RNF180: variants seen among roughly 807,000 people sequenced by gnomAD.
The protein encoded by RNF180 is E3 ubiquitin-protein ligase RNF180.
In RNF180, 38 loss-of-function variants were observed where a neutral mutation model predicts 59.2. That is an observed-to-expected ratio of 0.64 (90% CI 0.50 to 0.84). The LOEUF is 0.84. Among genes scored for constraint, RNF180 ranks in the 40% least tolerant of loss-of-function variants. RNF180 has a pLI of 0.00. For missense variants in RNF180, 705 were observed against 700.9 expected (o/e 1.01, Z -0.07); for synonymous variants, 262 against 240.3 (o/e 1.09, Z -0.84).
At position 64,330,336 on chromosome 5, in the gene RNF180, A is replaced by G; in HGVS notation, c.1509A>G (p.Gln503=). Residue 503 remains glutamine (Q), a synonymous_variant, in exon 7 of 8, where the codon CAA becomes CAG. Transcript: ENST00000389100. The part of the protein sequence containing the change: ...FFTKEYLKIK[Q]SFQKSNSAKW... ...CTAAAGAATATTTGAAAATAAAACAAAGCTTTCAGAAATCCAACTCTGCAA... is the reference window on the plus strand; with the variant it reads ...CTAAAGAATATTTGAAAATAAAACAGAGCTTTCAGAAATCCAACTCTGCAA... 6.5e-7 allele frequency: 1 copy of G among 1,540,390 alleles called. No individual in the cohort carries two copies. Among genetic ancestry groups the G allele is most frequent in the Non-Finnish European group, 8.8e-7 (1 of 1,139,706 alleles).
At chr5:64,338,076 G>A (rs748919875) in intron 7 of RNF180, among the ~76,000 whole-genome samples, 8 of 152,076 alleles carry the variant, frequency 5.3e-5, no homozygotes, top group Non-Finnish European at 7.4e-5. Flanking sequence ...CTGAGGAATC[G>A]CCACACTGAC....
rs1446673944 is a variant in RNF180, at chr5:64,369,625, A to G, written c.1590A>G (p.Arg530=). ...KAFHLFGGFR[R]HAAPVTRRQF... is the part of the protein sequence containing the mutation. ...TCATACATCTTCTAGGTTTCCGCAG[A>G]CATGCAGCTCCAGTTACAAGAAGGC... is the stretch of plus-strand genomic sequence containing the variant. The change falls in exon 8 of 8, where the codon AGA becomes AGG. Residue 530 remains arginine, a synonymous_variant. Coordinates refer to ENST00000389100, the MANE Select transcript of RNF180 (RefSeq NM_001113561.2). The G allele has an allele frequency of 6.6e-7, 1 of 1,516,226 alleles. No individual in the cohort carries two copies. The highest frequency in any genetic ancestry group is 1.4e-5 in the African/African-American group (1 of 71,082). The allele number at this position is 1,516,226 out of a possible 1,614,324, so 93.9% of individuals were successfully genotyped here. A position where few individuals can be genotyped will look rare whatever the true frequency, so the allele number is the denominator to read the frequency against.
rs1746638871 is a variant in RNF180 at position 64,370,910 on chromosome 5, T to C, written c.*1096T>C. 2 of 151,758 alleles carry C rather than the reference T, an allele frequency of 1.3e-5. No homozygotes were observed. Among genetic ancestry groups the C allele is most frequent in the South Asian group, 4.1e-4 (2 of 4,822 alleles). 9.4% of individuals were successfully genotyped at this position (151,758 alleles called of 1,614,324 possible). A position where few individuals can be genotyped will look rare whatever the true frequency, so the allele number is the denominator to read the frequency against. Reference sequence around the variant, plus strand: ...CTAATCCAGTATTACTACACTATGATGTCATATATCTGGTAATTCAATAAG... The same window carrying C: ...CTAATCCAGTATTACTACACTATGACGTCATATATCTGGTAATTCAATAAG... On this transcript the variant is annotated 3_prime_UTR_variant, in exon 8 of 8. Coordinates refer to ENST00000389100, the MANE Select transcript of RNF180 (RefSeq NM_001113561.2).
At chr5:64,204,868 CTTAGGTTCTT>C (rs1314864572) in intron 2 of RNF180, among the ~76,000 whole-genome samples, 2 of 152,056 alleles carry the variant, frequency 1.3e-5, no homozygotes, top group African/African-American at 2.4e-5. Context: ...GGAGTTTCTC[CTTAGGTTCTT>C]TCCATCCTGA....
At chr5:64,259,999 A>C (rs750264768) in intron 5 of RNF180, among the ~76,000 whole-genome samples, 2 of 152,182 alleles carry the variant, frequency 1.3e-5, no homozygotes, top group Admixed American at 1.3e-4. Context: ...TAATCATCCT[A>C]GCACCAAAAA....
intron 5 of RNF180, among the ~76,000 whole-genome samples, chr5:64,313,410 C>G (rs543816860): frequency 6.6e-6 from 1 of 152,112 alleles, no homozygotes; most frequent in East Asian, 1.9e-4. Context: ...CATGTGGTAT[C>G]TCATTTTCTG....
At chr5:64,169,398 T>C (rs1344387862) in intron 1 of RNF180, among the ~76,000 whole-genome samples, 1 of 152,220 alleles carries the variant, frequency 6.6e-6, no homozygotes, top group Admixed American at 6.5e-5. Context: ...TATCATAGGT[T>C]TCTTTGAGTT....
At chr5:64,213,058 C>T (rs960298552) in intron 3 of RNF180, among the ~76,000 whole-genome samples, 1 of 152,186 alleles carries the variant, frequency 6.6e-6, no homozygotes, top group African/African-American at 2.4e-5. Context: ...AATGCACTGT[C>T]TGATGTATGC....
intron 5 of RNF180, among the ~76,000 whole-genome samples, chr5:64,231,125 T>C (rs910076991): frequency 1.3e-5 from 2 of 152,176 alleles, no homozygotes; most frequent in Non-Finnish European, 2.9e-5. Flanking sequence ...GTAAAAGGTA[T>C]GGCACTAAAG....
At chr5:64,167,264 G>A (rs1749695098) in intron 1 of RNF180, among the ~76,000 whole-genome samples, 1 of 152,158 alleles carries the variant, frequency 6.6e-6, no homozygotes, top group Non-Finnish European at 1.5e-5. Context: ...TAGGAGAATA[G>A]TCATTTTAAT....
intron 5 of RNF180, among the ~76,000 whole-genome samples, chr5:64,323,267 G>T (rs1318931451): frequency 6.6e-6 from 1 of 152,144 alleles, no homozygotes; most frequent in East Asian, 1.9e-4. Flanking sequence ...TAGGCTGGGT[G>T]TGGTGTCTCA....
At chr5:64,207,471 A>C (rs1752075498) in intron 2 of RNF180, among the ~76,000 whole-genome samples, 1 of 152,122 alleles carries the variant, frequency 6.6e-6, no homozygotes, top group African/African-American at 2.4e-5. Flanking sequence ...ATGAAGAGGG[A>C]GTTTGGCAAG....
At chr5:64,302,006 TTTTTTACACATGTAAA>T (rs1442133319) in intron 5 of RNF180, among the ~76,000 whole-genome samples, 2 of 151,562 alleles carry the variant, frequency 1.3e-5, no homozygotes, top group Non-Finnish European at 3.0e-5. Flanking sequence ...AATATTTCTC[TTTTTTACACATGTAAA>T]ATACCCACTC....
Position 64,337,420 on chromosome 5 carries a change from A to G in RNF180, c.1579+7014A>G, listed in dbSNP as rs143062212. Among the ~76,000 whole-genome samples the G allele has an allele frequency of 8.8e-3, 1,342 of 152,234 alleles. 18 individuals carry two copies. Among genetic ancestry groups the G allele is most frequent in the African/African-American group, 0.031 (1,279 of 41,524 alleles). On this transcript the variant is annotated intron_variant, in intron 7 of 7. Coordinates refer to ENST00000389100, the MANE Select transcript of RNF180 (RefSeq NM_001113561.2). ...CAACATCTGTCTTTTTTCATATAAT[A>G]GCCTACTTTTCTGAATATTATACAA... is the stretch of plus-strand genomic sequence containing the variant.
chr5:64,199,331 T>C (rs1461777646), intron 1 of RNF180, among the ~76,000 whole-genome samples: 2 of 152,188 alleles, frequency 1.3e-5, no homozygotes, highest in African/African-American at 2.4e-5. Flanking sequence ...CCCTCTCTTA[T>C]AGTTGCATTT....
chr5:64,321,935 G>C (rs984301001), intron 5 of RNF180, among the ~76,000 whole-genome samples: 2 of 152,168 alleles, frequency 1.3e-5, no homozygotes, highest in Non-Finnish European at 2.9e-5. Flanking sequence ...AATAAATGGT[G>C]CTTAGAAAAC....
In RNF180 at chr5:64,260,297, C is replaced by T. The variant is rs928048653; in HGVS notation, c.1227+42901C>T. Among the ~76,000 whole-genome samples the T allele has an allele frequency of 7.9e-5, 12 of 152,116 alleles. No individual in the cohort carries two copies. In the East Asian group the frequency reaches 1.5e-3, roughly 20 times the overall value. On this transcript the variant is annotated intron_variant, in intron 5 of 7. Transcript: ENST00000389100. The stretch of plus-strand genomic sequence containing the variant: ...AGTAGCTACACAATATTTTATTTTA[C>T]GGTTATGCAGTAGTCTCTGTAATTA...
Position 64,257,827 on chromosome 5 carries a change from T to A in RNF180, c.1227+40431T>A, listed in dbSNP as rs571400231. On this transcript the variant is annotated intron_variant, in intron 5 of 7. Transcript: ENST00000389100. ...CACCCCACAGTCAACATTAGAGAGA[T>A]CAACGAGACAGAAAGTTAACAAGGA... Among the ~76,000 whole-genome samples the A allele has an allele frequency of 1.5e-3, 226 of 152,182 alleles. 1 individual carries two copies. Among genetic ancestry groups the A allele is most frequent in the African/African-American group, 5.2e-3 (217 of 41,530 alleles).
At chr5:64,363,979 T>C (rs1270879854) in intron 7 of RNF180, among the ~76,000 whole-genome samples, 1 of 151,688 alleles carries the variant, frequency 6.6e-6, no homozygotes, top group Non-Finnish European at 1.5e-5. Flanking sequence ...GCTTAAGAAC[T>C]TTTAGACTGA....
Sources: gnomAD v4.1 joint callset for allele counts (sites outside exome capture counted in the v4.1 genomes callset) on GRCh38, gnomAD v4.1.1 for gene constraint, MANE v1.5 for transcripts, NCBI Gene and HGNC (gene_info 2026-07-23, HGNC 2026-07-21) for gene names.